MCM6: variants seen among roughly 807,000 people sequenced by gnomAD.
The protein encoded by MCM6 is minichromosome maintenance complex component 6.
MCM6 carries 46 observed loss-of-function variants against 94.3 expected under a neutral mutation model. The observed-to-expected ratio is 0.49, with a 90% CI of 0.39 to 0.62. The LOEUF is 0.62. MCM6 is among the 20% of genes least tolerant of loss of function. The pLI is 0.00. For missense variants in MCM6, 865 were observed against 1,017.9 expected, an observed-to-expected ratio of 0.85 and a Z score of 2.04; for synonymous variants, 335 against 351.9, an observed-to-expected ratio of 0.95 and a Z score of 0.54.
At chr2:135,842,411 A>C (rs1284136895) in intron 16 of MCM6, among the ~76,000 whole-genome samples, 2 of 152,198 alleles carry the variant, frequency 1.3e-5, no homozygotes, top group African/African-American at 4.8e-5. Flanking sequence ...GAGCCCTGTG[A>C]ATTGGCACGA....
chr2:135,859,451 G>T lies in MCM6; in HGVS notation c.1221-9C>A. 1 of 1,600,428 alleles carries T rather than the reference G, an allele frequency of 6.2e-7. No individual in the cohort carries two copies. Among genetic ancestry groups the T allele is most frequent in the Non-Finnish European group, 8.5e-7 (1 of 1,173,066 alleles). The stretch of plus-strand genomic sequence containing the variant: ...TGAACTCCTCCACGTGCCTGTTCAA[G>T]GTTATCACATAAAGACTCATTAATA... On this transcript the variant is annotated splice_polypyrimidine_tract_variant and intron_variant, in intron 8 of 16. Transcript: ENST00000264156.
intron 16 of MCM6, among the ~76,000 whole-genome samples, chr2:135,843,597 G>A (rs60946352): frequency 0.028 from 4,248 of 151,678 alleles, 86 homozygotes; most frequent in East Asian, 0.061. Flanking sequence ...AAAATTAGCC[G>A]GGCGTGGTGG....
chr2:135,851,476 T>G lies in MCM6; in HGVS notation c.1843A>C (p.Arg615=). The G allele has an allele frequency of 1.2e-6, 2 of 1,613,808 alleles. No homozygotes were observed. The highest frequency in any genetic ancestry group is 1.7e-6 in the Non-Finnish European group (2 of 1,179,908). ...DGSGVTKSSW[R]ITVRQLESMI... is the part of the protein sequence containing the mutation. ...CTCTCAAGCTGTCGCACTGTAATCC[T>G]CCATGAAGACTTGGTCACTCCAGAA... The change falls in exon 13 of 17, where the codon AGG becomes CGG. Residue 615 remains arginine (R), a synonymous_variant. Coordinates refer to ENST00000264156, the MANE Select transcript of MCM6 (RefSeq NM_005915.6).
rs750554384 is a variant in MCM6, at chr2:135,840,857, G to A, written c.2444C>T (p.Pro815Leu). 1 of 1,611,794 alleles carries A rather than the reference G, an allele frequency of 6.2e-7. No homozygotes were observed. The highest frequency in any genetic ancestry group is 2.2e-5 in the East Asian group (1 of 44,890). ...YEEDPYLVVNPNYLLED is the reference protein window; with the variant it reads ...YEEDPYLVVNLNYLLED ...ATCTCAATCTTCGAGCAAGTAGTTA[G>A]GGTTAACTACCAAGTAGGGATCTTC... Residue 815 changes from proline to leucine, a missense_variant, in exon 17 of 17, where the codon CCT (proline) becomes CTT (leucine). By Grantham distance (98) the Pro-to-Leu change is moderately conservative. This residue lies in a region of MCM6 where 308 missense variants were observed against 324.5 expected (regional missense o/e 0.95). Coordinates refer to ENST00000264156, the MANE Select transcript of MCM6 (RefSeq NM_005915.6).
intron 6 of MCM6, 116 bp from the exon 7 acceptor site, chr2:135,865,279 T>C: frequency 4.3e-6 from 3 of 697,242 alleles, no homozygotes; most frequent in Non-Finnish European, 6.4e-6. Context: ...TCACAATTTA[T>C]TGACTGTAAA....
At chr2:135,851,620 T>G (rs941274985) in intron 12 of MCM6, 57 bp from the exon 13 acceptor site, 4 of 1,441,190 alleles carry the variant, frequency 2.8e-6, no homozygotes, top group Admixed American at 2.2e-5. Context: ...AGAGCTACGG[T>G]AAACCTAAGT....
At chr2:135,859,513 G>C in intron 8 of MCM6, 71 bp from the exon 9 acceptor site, 1 of 1,090,218 alleles carries the variant, frequency 9.2e-7, no homozygotes, top group Admixed American at 2.6e-5. Flanking sequence ...AAAACCAGCA[G>C]AAGAGTTTAA....
rs34870773 is a variant in MCM6, at chr2:135,840,239, CA to C, written c.*595del. 1 of 82,060 alleles carries C rather than the reference CA, an allele frequency of 1.2e-5. No individual in the cohort carries two copies. The highest frequency in any genetic ancestry group is 2.4e-5 in the Non-Finnish European group (1 of 41,300). The allele number at this position is 82,060 out of a possible 1,614,324, so 5.1% of individuals were successfully genotyped here. A position where few individuals can be genotyped will look rare whatever the true frequency, so the allele number is the denominator to read the frequency against. ...TTATAAACTTAAAAAAAAAAAAAAA[CA>C]ACTGGAATTAACCTTGGAAAGTCAT... On this transcript the variant is annotated 3_prime_UTR_variant, in exon 17 of 17. Transcript: ENST00000264156.
intron 1 of MCM6, among the ~76,000 whole-genome samples, chr2:135,873,233 G>C (rs1166766615): frequency 6.6e-6 from 1 of 152,176 alleles, no homozygotes; most frequent in Non-Finnish European, 1.5e-5. Flanking sequence ...CTTCCACCAT[G>C]ATTGTGAGGT....
chr2:135,842,308 C>G (rs1486970626), intron 16 of MCM6, among the ~76,000 whole-genome samples: 2 of 152,066 alleles, frequency 1.3e-5, no homozygotes, highest in African/African-American at 2.4e-5. Context: ...ACCTCCCTAC[C>G]CCTCAATAAT....
chr2:135,843,508 G>GT (rs1435414087), intron 16 of MCM6, among the ~76,000 whole-genome samples: 1 of 151,966 alleles, frequency 6.6e-6, no homozygotes, highest in East Asian at 1.9e-4. Flanking sequence ...CAAAGTGAGC[G>GT]TATCGCCTGA....
Position 135,840,652 on chromosome 2 carries a change from T to C in MCM6, c.*183A>G. 1 of 565,966 alleles carries C rather than the reference T, an allele frequency of 1.8e-6. No homozygotes were observed. The highest frequency in any genetic ancestry group is 3.2e-6 in the Non-Finnish European group (1 of 315,934). The allele number at this position is 565,966 out of a possible 1,614,324, so 35.1% of individuals were successfully genotyped here. On this transcript the variant is annotated 3_prime_UTR_variant, in exon 17 of 17. Transcript: ENST00000264156. ...ACCAAAGGAAGTGCTGAAGCCTGTG[T>C]TGGTATGAAACCTGTGATGAATGTG...
At chr2:135,857,610 A>T (rs1335592600) in intron 10 of MCM6, among the ~76,000 whole-genome samples, 1 of 152,200 alleles carries the variant, frequency 6.6e-6, no homozygotes, top group African/African-American at 2.4e-5. Flanking sequence ...ATATATAATC[A>T]ATCTGTTGAT....
chr2:135,843,221 T>C (rs1452143826), intron 16 of MCM6, among the ~76,000 whole-genome samples: 1 of 152,168 alleles, frequency 6.6e-6, no homozygotes, highest in Non-Finnish European at 1.5e-5. Flanking sequence ...ACAACTCAAC[T>C]GCAAACAGGG....
chr2:135,841,951 A>T (rs1422324680), intron 16 of MCM6, among the ~76,000 whole-genome samples: 1 of 152,060 alleles, frequency 6.6e-6, no homozygotes, highest in Non-Finnish European at 1.5e-5. Context: ...CTAAAAATAC[A>T]AAAATTAGCT....
At chr2:135,864,695 TTA>T (rs1045776435) in intron 7 of MCM6, among the ~76,000 whole-genome samples, 15 of 152,316 alleles carry the variant, frequency 9.8e-5, no homozygotes, top group African/African-American at 3.6e-4. Flanking sequence ...AGTAAGTACA[TTA>T]TGTTGTATAA....
intron 9 of MCM6, among the ~76,000 whole-genome samples, chr2:135,858,742 T>C (rs1374039101): frequency 2.6e-5 from 4 of 152,220 alleles, no homozygotes; most frequent in Non-Finnish European, 2.9e-5. Context: ...CAACTCAGGA[T>C]TGATTTTATA....
Position 135,856,914 on chromosome 2 carries a change from TTAAA to T in MCM6, c.1471-35_1471-32del, listed in dbSNP as rs573102155. On this transcript the variant is annotated intron_variant, in intron 10 of 16. Coordinates refer to ENST00000264156, the MANE Select transcript of MCM6 (RefSeq NM_005915.6). ...CACAAAAGAAAGAATCTTAACAGATTTAAATAGACATCAGCCAATAAATATATAA... is the reference window on the plus strand; with the variant it reads ...CACAAAAGAAAGAATCTTAACAGATTTAGACATCAGCCAATAAATATATAA... 8.9e-4 allele frequency: 1,411 copies of T among 1,589,886 alleles called. 6 individuals are homozygous for T. In the African/African-American group the frequency reaches 0.017, roughly 19 times the overall value.
intron 12 of MCM6, among the ~76,000 whole-genome samples, chr2:135,852,575 C>A (rs1353017915): frequency 6.6e-6 from 1 of 151,294 alleles, no homozygotes; most frequent in Non-Finnish European, 1.5e-5. Flanking sequence ...TACCACCAAA[C>A]AAATAATGGA....
Sources: allele counts gnomAD v4.1 joint callset (sites outside exome capture counted in the v4.1 genomes callset), GRCh38; gene constraint gnomAD v4.1.1; regional missense constraint gnomAD v4.1.1; transcripts MANE v1.5; gene names NCBI Gene and HGNC (gene_info 2026-07-23, HGNC 2026-07-21).